FYN: variants seen among roughly 807,000 people sequenced by gnomAD.
FYN encodes FYN proto-oncogene, Src family tyrosine kinase, also known as tyrosine-protein kinase Fyn.
FYN carries 10 observed loss-of-function variants against 70.2 expected under a neutral mutation model. The ratio of observed to expected loss-of-function variants is 0.14; its 90% CI spans 0.09 to 0.24. The LOEUF (loss-of-function observed/expected upper bound fraction) is 0.24. FYN is among the 10% of genes least tolerant of loss of function. The pLI is 1.00. For missense variants in FYN, 319 were observed against 673.1 expected (o/e 0.47, Z 5.82); for synonymous variants, 236 against 248.6 (o/e 0.95, Z 0.48).
At chr6:111,868,978 T>C (rs535949167) in intron 1 of FYN, among the ~76,000 whole-genome samples, 19 of 152,242 alleles carry the variant, frequency 1.2e-4, no homozygotes, top group Non-Finnish European at 2.6e-4. Context: ...AAGTATTCAT[T>C]TCCAGGACCT....
intron 12 of FYN, among the ~76,000 whole-genome samples, chr6:111,678,106 ATATGTGTGTGTGTGTG>A (rs1324568207): frequency 2.5e-5 from 3 of 118,552 alleles, no homozygotes; most frequent in African/African-American, 4.4e-5. Context: ...GAAGGCCATA[ATATGTGTGTGTGTGTG>A]TGTGTGTGTG....
intron 3 of FYN, among the ~76,000 whole-genome samples, chr6:111,759,581 T>C (rs1583415941): frequency 6.6e-6 from 1 of 152,334 alleles, no homozygotes; most frequent in Non-Finnish European, 1.5e-5. Context: ...TCAAGGACTG[T>C]GGATCTTTTG....
rs151083770 is a variant in FYN at position 111,834,632 on chromosome 6, G to A, written c.-82+11957C>T. The stretch of plus-strand genomic sequence containing the variant: ...GAAGGTGGTGCCAACCTTGCTGCAA[G>A]GGAACGTGCAAGGAGTGCCCATTTC... On this transcript the variant is annotated intron_variant, in intron 2 of 13. Coordinates refer to ENST00000354650, the MANE Select transcript of FYN (RefSeq NM_002037.5). Among the ~76,000 whole-genome samples, 247 of 152,298 alleles carry A rather than the reference G, an allele frequency of 1.6e-3. 1 individual carries two copies. Among genetic ancestry groups the A allele is most frequent in the African/African-American group, 5.7e-3 (237 of 41,570 alleles).
chr6:111,669,530 A>G (rs1233187251), intron 13 of FYN, among the ~76,000 whole-genome samples: 2 of 151,502 alleles, frequency 1.3e-5, no homozygotes, highest in African/African-American at 4.8e-5. Flanking sequence ...GCCAGGGCAC[A>G]GAATAGCCAG....
intron 13 of FYN, among the ~76,000 whole-genome samples, chr6:111,668,521 G>C (rs1372827636): frequency 6.6e-6 from 1 of 150,932 alleles, no homozygotes; most frequent in African/African-American, 2.4e-5. Flanking sequence ...AAAAAAAGGA[G>C]TGAAAAAGAG....
chr6:111,730,573 A>C (rs953903351), intron 3 of FYN, among the ~76,000 whole-genome samples: 8 of 152,246 alleles, frequency 5.3e-5, no homozygotes, highest in Admixed American at 5.2e-4. Context: ...AATTGGTGGG[A>C]GAGGGAAGGG....
At chr6:111,814,135 G>C (rs887640217) in intron 2 of FYN, 2 of 152,208 alleles carry the variant, frequency 1.3e-5, no homozygotes, top group African/African-American at 4.8e-5. Flanking sequence ...ATTTGCTCTG[G>C]AGGAGTTGAA....
rs76149104 is a variant in FYN, at chr6:111,727,942, C to T, written c.-11-7880G>A. Among the ~76,000 whole-genome samples, 126 of 152,280 alleles carry T rather than the reference C, an allele frequency of 8.3e-4. 3 individuals carry two copies. The East Asian group carries it at 0.021, about 25-fold the overall frequency. ...ACATGTTCTTTCCTTTCTGCATAGC[C>T]TTCCATTTCTCGAGCCCGAAGACTC... On this transcript the variant is annotated intron_variant, in intron 3 of 13. Coordinates refer to ENST00000354650, the MANE Select transcript of FYN (RefSeq NM_002037.5).
At chr6:111,686,665 T>C (rs1274079566) in intron 12 of FYN, among the ~76,000 whole-genome samples, 1 of 152,218 alleles carries the variant, frequency 6.6e-6, no homozygotes, top group Non-Finnish European at 1.5e-5. Context: ...TTTCTTCCTT[T>C]TCTCTCTCCT....
chr6:111,723,555 C>G (rs1287335617), intron 3 of FYN, among the ~76,000 whole-genome samples: 3 of 152,152 alleles, frequency 2.0e-5, no homozygotes, highest in Non-Finnish European at 4.4e-5. Flanking sequence ...AATGCAGTTT[C>G]AAGTCATTAA....
chr6:111,729,179 A>C (rs1801331648), intron 3 of FYN, among the ~76,000 whole-genome samples: 1 of 152,140 alleles, frequency 6.6e-6, no homozygotes, highest in African/African-American at 2.4e-5. Context: ...AATTCTTAAA[A>C]ATGGGCATAC....
In FYN at chr6:111,660,934, G is replaced by A. The variant is rs1797709822; in HGVS notation, c.*805C>T. 1 of 152,176 alleles carries A rather than the reference G, an allele frequency of 6.6e-6. No individual in the cohort carries two copies. The highest frequency in any genetic ancestry group is 1.9e-4 in the East Asian group (1 of 5,202). The allele number at this position is 152,176 out of a possible 1,614,324, so 9.4% of individuals were successfully genotyped here. A position where few individuals can be genotyped will look rare whatever the true frequency, so the allele number is the denominator to read the frequency against. ...TTTTGAGAACAAATCGCAGTAAGTT[G>A]AAGCAAATAGTGCTAACAGAACTTG... On this transcript the variant is annotated 3_prime_UTR_variant, in exon 14 of 14. Coordinates refer to ENST00000354650, the MANE Select transcript of FYN (RefSeq NM_002037.5).
chr6:111,718,992 T>C (rs547487741), intron 4 of FYN, among the ~76,000 whole-genome samples: 2 of 152,222 alleles, frequency 1.3e-5, no homozygotes, highest in Non-Finnish European at 2.9e-5. Context: ...TGCTGCCAGA[T>C]GGGCTGAGAG....
intron 2 of FYN, among the ~76,000 whole-genome samples, chr6:111,841,720 C>T (rs1055522500): frequency 7.9e-5 from 12 of 152,046 alleles, no homozygotes; most frequent in African/African-American, 2.7e-4. Context: ...TTGTTATCTG[C>T]AGTTGTTCTA....
chr6:111,779,483 T>C (rs764448079), intron 3 of FYN, among the ~76,000 whole-genome samples: 34 of 152,294 alleles, frequency 2.2e-4, no homozygotes, highest in Non-Finnish European at 4.4e-4. Flanking sequence ...CCTTCTTTCC[T>C]CATAAATGTG....
At chr6:111,784,719 G>C (rs1583441326) in intron 2 of FYN, among the ~76,000 whole-genome samples, 1 of 152,298 alleles carries the variant, frequency 6.6e-6, no homozygotes, top group East Asian at 1.9e-4. Flanking sequence ...GGTAAAAAAG[G>C]AAAAGCTTGA....
chr6:111,822,761 T>C (rs1190732687), intron 2 of FYN, among the ~76,000 whole-genome samples: 1 of 148,534 alleles, frequency 6.7e-6, no homozygotes, highest in South Asian at 2.1e-4. Context: ...GAGAGATGAG[T>C]GAGAAGTAGA....
At chr6:111,725,751 T>G (rs543520213) in intron 3 of FYN, among the ~76,000 whole-genome samples, 6 of 152,300 alleles carry the variant, frequency 3.9e-5, no homozygotes, top group African/African-American at 1.2e-4. Context: ...AATATGTGCC[T>G]TGCTAAATGA....
chr6:111,777,231 T>C lies in FYN; in HGVS notation c.-12+3335A>G, dbSNP rs554218505. On this transcript the variant is annotated intron_variant, in intron 3 of 13. Transcript: ENST00000354650. Reference sequence around the variant, plus strand: ...GTCTGTCTGAATTCATTTAGGTCATTTTTCGCTTGGAGTTAGGGGTAATAG... The same window carrying C: ...GTCTGTCTGAATTCATTTAGGTCATCTTTCGCTTGGAGTTAGGGGTAATAG... Among the ~76,000 whole-genome samples the C allele has an allele frequency of 9.9e-5, 15 of 152,246 alleles. No individual in the cohort carries two copies. In the South Asian group the frequency reaches 3.1e-3, roughly 32 times the overall value.
Sources: allele counts gnomAD v4.1 joint callset (sites outside exome capture counted in the v4.1 genomes callset), GRCh38; gene constraint gnomAD v4.1.1; transcripts MANE v1.5; gene names NCBI Gene and HGNC (gene_info 2026-07-23, HGNC 2026-07-21).